Variants in GRAMD2B observed in about 807,000 individuals in gnomAD.
GRAMD2B encodes the protein GRAM domain-containing protein 2B.
GRAMD2B carries 41 observed loss-of-function variants against 59.2 expected under a neutral mutation model. That is an observed-to-expected ratio of 0.69 (90% CI 0.54 to 0.90). The LOEUF is 0.90. Among genes scored for constraint, GRAMD2B ranks in the 40% least tolerant of loss-of-function variants. GRAMD2B has a pLI of 0.00. For missense variants in GRAMD2B, 424 were observed against 500.5 expected, an observed-to-expected ratio of 0.85 and a Z score of 1.46; for synonymous variants, 161 against 182.7, an observed-to-expected ratio of 0.88 and a Z score of 0.96.
At chr5:126,466,852 C>G (rs1768521618) in intron 2 of GRAMD2B, among the ~76,000 whole-genome samples, 1 of 152,206 alleles carries the variant, frequency 6.6e-6, no homozygotes, top group African/African-American at 2.4e-5. Flanking sequence ...TGGTTTTACT[C>G]CAACTTCCCC....
At chr5:126,410,961 G>GT (rs1467199537) in intron 1 of GRAMD2B, among the ~76,000 whole-genome samples, 1 of 151,892 alleles carries the variant, frequency 6.6e-6, no homozygotes, top group Non-Finnish European at 1.5e-5. Flanking sequence ...AGGGTTATTT[G>GT]TTTTTTGCTT....
At chr5:126,380,696 C>A (rs1432488852) in intron 1 of GRAMD2B, among the ~76,000 whole-genome samples, 1 of 152,150 alleles carries the variant, frequency 6.6e-6, no homozygotes, top group Non-Finnish European at 1.5e-5. Flanking sequence ...ATGTGATTCT[C>A]AGCTTGGTCG....
chr5:126,464,251 T>C (rs1165158418), intron 1 of GRAMD2B, among the ~76,000 whole-genome samples: 2 of 152,212 alleles, frequency 1.3e-5, no homozygotes, highest in African/African-American at 4.8e-5. Flanking sequence ...AAATAGGTGG[T>C]AAATGAAAGT....
chr5:126,364,080 A>G (rs1025304138), intron 1 of GRAMD2B, among the ~76,000 whole-genome samples: 4 of 152,216 alleles, frequency 2.6e-5, no homozygotes, highest in African/African-American at 9.7e-5. Flanking sequence ...TAAATATAAA[A>G]TTTGCTAAAT....
At chr5:126,449,555 T>G (rs1270204046) in intron 1 of GRAMD2B, among the ~76,000 whole-genome samples, 2 of 152,212 alleles carry the variant, frequency 1.3e-5, no homozygotes, top group Non-Finnish European at 2.9e-5. Flanking sequence ...AGCTTCTTTT[T>G]CCTTACGTAT....
chr5:126,404,220 A>G (rs1166840583), intron 1 of GRAMD2B, among the ~76,000 whole-genome samples: 1 of 151,916 alleles, frequency 6.6e-6, no homozygotes, highest in Non-Finnish European at 1.5e-5. Flanking sequence ...CCTTTTTGTG[A>G]TTGTAATATT....
chr5:126,363,483 T>C (rs534082030), intron 1 of GRAMD2B, among the ~76,000 whole-genome samples: 19 of 152,344 alleles, frequency 1.2e-4, no homozygotes, highest in Non-Finnish European at 2.4e-4. Context: ...AACATGTGTT[T>C]GCATAAAAAC....
At chr5:126,361,509 A>G (rs1561448968) in intron 1 of GRAMD2B, among the ~76,000 whole-genome samples, 1 of 145,366 alleles carries the variant, frequency 6.9e-6, no homozygotes, top group Non-Finnish European at 1.5e-5. Context: ...AAAAAAAAAA[A>G]TTCTGTTTCC....
At chr5:126,488,357 G>A (rs7710324) in intron 12 of GRAMD2B, among the ~76,000 whole-genome samples, 108,428 of 152,120 alleles carry the variant, frequency 0.71, 39,074 homozygotes, top group East Asian at 0.98. Context: ...AAAGTCTCGT[G>A]TTTCAAGGGA....
chr5:126,379,924 T>C (rs1755519919), intron 1 of GRAMD2B, among the ~76,000 whole-genome samples: 1 of 152,224 alleles, frequency 6.6e-6, no homozygotes, highest in African/African-American at 2.4e-5. Flanking sequence ...AAGTCACACC[T>C]ATTTATCTTT....
At chr5:126,417,517 G>A (rs1395586420) in intron 1 of GRAMD2B, among the ~76,000 whole-genome samples, 1 of 152,194 alleles carries the variant, frequency 6.6e-6, no homozygotes, top group Non-Finnish European at 1.5e-5. Context: ...GTCTTCAAAT[G>A]ACTTCAAACC....
intron 1 of GRAMD2B, among the ~76,000 whole-genome samples, chr5:126,449,731 T>C (rs1174504153): frequency 6.6e-6 from 1 of 152,224 alleles, no homozygotes; most frequent in Non-Finnish European, 1.5e-5. Context: ...TAATAATACT[T>C]GGCATTTAAG....
At position 126,486,949 on chromosome 5, in the gene GRAMD2B, A is replaced by T. The variant is rs1394918141; in HGVS notation, c.1135A>T (p.Thr379Ser). The change falls in exon 12 of 14, where the codon ACC becomes TCC. Residue 379 changes from threonine (T) to serine (S), a missense_variant. Coordinates refer to ENST00000285689, the MANE Select transcript of GRAMD2B (RefSeq NM_023927.4). Reference sequence around the variant, plus strand: ...TCTGGAGGAGCAGCTGGGGTTACTAACCTCCATTGTGGACACCCATAATAC... The same window carrying T: ...TCTGGAGGAGCAGCTGGGGTTACTATCCTCCATTGTGGACACCCATAATAC... ...NTLEEQLGLL[T>S]SIVDTHNTEQ... is the part of the protein sequence containing the mutation. 1 of 1,608,128 alleles carries T rather than the reference A, an allele frequency of 6.2e-7. No homozygotes were observed. Among genetic ancestry groups the T allele is most frequent in the African/African-American group, 1.3e-5 (1 of 74,586 alleles).
At chr5:126,401,291 T>C (rs1396443385) in intron 1 of GRAMD2B, among the ~76,000 whole-genome samples, 2 of 152,046 alleles carry the variant, frequency 1.3e-5, no homozygotes, top group Non-Finnish European at 2.9e-5. Flanking sequence ...GTTTGGTTCT[T>C]TTTTATTATT....
At chr5:126,476,962 C>T (rs1461281168) in intron 5 of GRAMD2B, among the ~76,000 whole-genome samples, 1 of 152,190 alleles carries the variant, frequency 6.6e-6, no homozygotes, top group Non-Finnish European at 1.5e-5. Context: ...GAACGGATAG[C>T]TTACAAGGGG....
upstream of GRAMD2B, among the ~76,000 whole-genome samples, chr5:126,368,658 C>T (rs1411373860): frequency 2.0e-5 from 3 of 152,116 alleles, no homozygotes; most frequent in Non-Finnish European, 4.4e-5. Flanking sequence ...GGCTTCTGTC[C>T]CTCCCCCAGG....
At chr5:126,491,721 CTT>C (rs959189130) in intron 13 of GRAMD2B, among the ~76,000 whole-genome samples, 1 of 149,660 alleles carries the variant, frequency 6.7e-6, no homozygotes, top group Non-Finnish European at 1.5e-5. Flanking sequence ...GCTCTGAATT[CTT>C]TTTTTTTTCC....
At chr5:126,375,673 C>T (rs1169890641) in intron 1 of GRAMD2B, among the ~76,000 whole-genome samples, 1 of 152,060 alleles carries the variant, frequency 6.6e-6, no homozygotes, top group African/African-American at 2.4e-5. Flanking sequence ...CCCGGCCACT[C>T]CTTTAAATCT....
chr5:126,464,226 G>T (rs143208237), intron 1 of GRAMD2B, among the ~76,000 whole-genome samples: 328 of 152,320 alleles, frequency 2.2e-3, no homozygotes, highest in Non-Finnish European at 3.5e-3. Flanking sequence ...ACAGTCATAT[G>T]CAGGTGAGAC....
Sources: allele counts gnomAD v4.1 joint callset (sites outside exome capture counted in the v4.1 genomes callset), GRCh38; gene constraint gnomAD v4.1.1; transcripts MANE v1.5; gene names NCBI Gene and HGNC (gene_info 2026-07-23, HGNC 2026-07-21).